The following STAG2 variants were observed in gnomAD, a reference collection of about 807,000 sequenced individuals.
The protein encoded by STAG2 is STAG2 cohesin complex component, also known as cohesin subunit SA-2.
A neutral mutation model predicts 108.1 loss-of-function variants in STAG2; 14 were observed. That is an observed-to-expected ratio of 0.13 (90% CI 0.09 to 0.20). The LOEUF is 0.20. Among genes scored for constraint, STAG2 ranks in the 10% least tolerant of loss-of-function variants. The pLI, the probability that STAG2 is intolerant of heterozygous loss-of-function variation, is 1.00. For synonymous variants in STAG2, 307 were observed against 302.7 expected, an observed-to-expected ratio of 1.01 and a Z score of -0.15; for missense variants, 440 against 940.9, an observed-to-expected ratio of 0.47 and a Z score of 6.96.
At chrX:123,967,474 C>T (rs1165524706) in intron 1 of STAG2, among the ~76,000 whole-genome samples, 1 of 110,242 alleles carries the variant, frequency 9.1e-6, no homozygotes, top group Admixed American at 9.7e-5. Context: ...CCATGTTGGT[C>T]AGGCTGGTCT....
intron 4 of STAG2, among the ~76,000 whole-genome samples, chrX:124,027,321 T>C (rs2057138910): frequency 8.9e-6 from 1 of 112,526 alleles, no homozygotes; most frequent in South Asian, 3.6e-4. Flanking sequence ...TCATAATTCA[T>C]GTGTTTCATA....
At chrX:124,043,399 C>A (rs537471754) in intron 7 of STAG2, among the ~76,000 whole-genome samples, 1 of 111,236 alleles carries the variant, frequency 9.0e-6, no homozygotes, top group South Asian at 3.8e-4. Context: ...GACCCGCCCA[C>A]CTTGGCCTCC....
At chrX:124,013,924 A>C (rs999798296) in intron 1 of STAG2, among the ~76,000 whole-genome samples, 2 of 111,232 alleles carry the variant, frequency 1.8e-5, no homozygotes, top group Non-Finnish European at 3.8e-5. Context: ...TCCAACCCCT[A>C]ACTAAGGGGG....
chrX:124,049,398 A>G (rs2057972248), intron 10 of STAG2, among the ~76,000 whole-genome samples: 1 of 111,659 alleles, frequency 9.0e-6, no homozygotes, highest in African/African-American at 3.3e-5. Context: ...CTGACTCCTG[A>G]CTCTCTTCCC....
intron 30 of STAG2, among the ~76,000 whole-genome samples, chrX:124,089,225 C>G (rs757518840): frequency 9.5e-4 from 106 of 111,876 alleles, no homozygotes; most frequent in African/African-American, 3.3e-3. Flanking sequence ...GTATAATCTT[C>G]TAATGAAATA....
intron 34 of STAG2, among the ~76,000 whole-genome samples, chrX:124,099,259 C>T (rs138191540): frequency 0.011 from 1,246 of 111,967 alleles, 23 homozygotes; most frequent in African/African-American, 0.038. Context: ...AGTTCGTCTT[C>T]ATCCCATACT....
intron 34 of STAG2, among the ~76,000 whole-genome samples, chrX:124,100,082 T>A (rs1376829027): frequency 8.9e-6 from 1 of 111,924 alleles, no homozygotes; most frequent in Admixed American, 9.6e-5. Flanking sequence ...GCTTCTTGCT[T>A]TCTACATACT....
rs187685184 is a variant in STAG2 at position 124,016,564 on chromosome X, A to G, written c.-162-4803A>G. On this transcript the variant is annotated intron_variant, in intron 1 of 34. Coordinates refer to ENST00000371145, the MANE Select transcript of STAG2 (RefSeq NM_001042750.2). ...GTGGTACTTGGTTGGATGAATTTTT[A>G]GTATTTAGAAGCTTTAAAAATCCTA... Among the ~76,000 whole-genome samples, 19 of 112,069 alleles carry G rather than the reference A, an allele frequency of 1.7e-4. No homozygotes were observed. The Admixed American group carries it at 1.8e-3, about 11-fold the overall frequency.
intron 1 of STAG2, among the ~76,000 whole-genome samples, chrX:124,016,244 A>G (rs976180629): frequency 1.8e-5 from 2 of 110,665 alleles, no homozygotes; most frequent in Admixed American, 9.6e-5. Flanking sequence ...GGCTCAAGCG[A>G]TCCTCCCACC....
chrX:124,036,262 T>C (rs899112700), intron 5 of STAG2, among the ~76,000 whole-genome samples: 2 of 112,474 alleles, frequency 1.8e-5, no homozygotes, highest in African/African-American at 6.5e-5. Flanking sequence ...GATTTCCTAT[T>C]TATTGGTATA....
intron 23 of STAG2, 87 bp from the exon 24 acceptor site, chrX:124,068,477 A>G: frequency 1.8e-6 from 1 of 545,582 alleles, no homozygotes; most frequent in East Asian, 4.1e-5. Flanking sequence ...GCTATGAGAT[A>G]ATGTTTTACA....
At chrX:124,037,649 G>A (rs760266417) in intron 6 of STAG2, 26 bp downstream of exon 6, 2 of 1,025,058 alleles carry the variant, frequency 2.0e-6, no homozygotes, top group East Asian at 6.7e-5. Context: ...TTTGAAATCA[G>A]CAGCTCTCAA....
intron 5 of STAG2, among the ~76,000 whole-genome samples, chrX:124,035,958 G>A (rs111701725): frequency 8.0e-5 from 9 of 111,920 alleles, no homozygotes; most frequent in African/African-American, 2.9e-4. Flanking sequence ...ATAATTTGGG[G>A]CCATGTTTTA....
chrX:123,995,684 ACT>A (rs938683375), intron 1 of STAG2, among the ~76,000 whole-genome samples: 3 of 109,822 alleles, frequency 2.7e-5, no homozygotes, highest in East Asian at 2.8e-4. Context: ...ACAAAGCAAG[ACT>A]CTGTTTCAGA....
chrX:123,990,393 G>A (rs1303181575), intron 1 of STAG2, among the ~76,000 whole-genome samples: 1 of 111,825 alleles, frequency 8.9e-6, no homozygotes, highest in Admixed American at 9.5e-5. Context: ...GCCACACAGA[G>A]GTACTTTAGT....
chrX:124,079,428 C>T (rs773985493), intron 27 of STAG2, among the ~76,000 whole-genome samples: 13 of 111,348 alleles, frequency 1.2e-4, no homozygotes, highest in South Asian at 7.7e-4. Flanking sequence ...CGTGAGCCAC[C>T]GTACCCAGCC....
At chrX:124,075,803 C>T (rs766328571) in intron 25 of STAG2, among the ~76,000 whole-genome samples, 10 of 111,484 alleles carry the variant, frequency 9.0e-5, no homozygotes, top group Non-Finnish European at 1.9e-4. Context: ...AATTGAATGT[C>T]AAGATTTCAC....
intron 34 of STAG2, among the ~76,000 whole-genome samples, chrX:124,098,682 CACTT>C (rs1255687031): frequency 1.8e-5 from 2 of 111,908 alleles, no homozygotes; most frequent in East Asian, 2.8e-4. Context: ...TCTTTTTAAA[CACTT>C]AATTTTTAAA....
chrX:123,983,628 T>G (rs1457346527), intron 1 of STAG2, among the ~76,000 whole-genome samples: 1 of 111,686 alleles, frequency 9.0e-6, no homozygotes, highest in Non-Finnish European at 1.9e-5. Context: ...ATTGGCTGTT[T>G]GACATAATTC....
Sources: allele counts gnomAD v4.1 joint callset (sites outside exome capture counted in the v4.1 genomes callset), GRCh38; gene constraint gnomAD v4.1.1; transcripts MANE v1.5; gene names NCBI Gene and HGNC (gene_info 2026-07-23, HGNC 2026-07-21).